RAD51B: variants seen among roughly 807,000 people sequenced by gnomAD.
RAD51B encodes the protein DNA repair protein RAD51 homolog 2.
In RAD51B, 38 loss-of-function variants were observed where a neutral mutation model predicts 42.2. That is an observed-to-expected ratio of 0.90 (90% CI 0.70 to 1.18). The LOEUF (loss-of-function observed/expected upper bound fraction) is 1.18. RAD51B is among the 50% of genes most tolerant of loss of function. RAD51B has a pLI of 0.00. For missense variants in RAD51B, 373 were observed against 400.7 expected (o/e 0.93, Z 0.59); for synonymous variants, 154 against 145.2 (o/e 1.06, Z -0.43).
chr14:67,941,622 C>T lies in RAD51B; in HGVS notation c.756+54418C>T, dbSNP rs1007204484. On this transcript the variant is annotated intron_variant, in intron 7 of 10. Coordinates refer to ENST00000471583, the MANE Select transcript of RAD51B (RefSeq NM_133510.4). Reference sequence around the variant, plus strand: ...GCTAAAGTTGACTCTGAGAATGCCTCGGGCTCTGTGTCAGGACTGGGGGTT... The same window carrying T: ...GCTAAAGTTGACTCTGAGAATGCCTTGGGCTCTGTGTCAGGACTGGGGGTT... Among the ~76,000 whole-genome samples the T allele has an allele frequency of 8.5e-5, 13 of 152,284 alleles. No homozygotes were observed. In the East Asian group the frequency reaches 9.6e-4, roughly 11 times the overall value.
intron 7 of RAD51B, among the ~76,000 whole-genome samples, chr14:68,285,836 C>T (rs762673944): frequency 7.2e-5 from 11 of 152,066 alleles, no homozygotes; most frequent in African/African-American, 1.4e-4. Flanking sequence ...TTCCCGTGGG[C>T]GCCGGAAATG....
chr14:68,541,874 T>C (rs1260126762), intron 10 of RAD51B: 1 of 955,222 alleles, frequency 1.0e-6, no homozygotes, highest in Non-Finnish European at 1.2e-6. Context: ...TCTCATCTCC[T>C]CTTTTATTGA....
chr14:67,848,294 G>A (rs1343179581), intron 4 of RAD51B, among the ~76,000 whole-genome samples: 1 of 152,180 alleles, frequency 6.6e-6, no homozygotes, highest in Admixed American at 6.5e-5. Flanking sequence ...TGGGATTACA[G>A]GCGTGAGCCA....
intron 7 of RAD51B, among the ~76,000 whole-genome samples, chr14:68,129,854 A>G (rs2077848164): frequency 6.6e-6 from 1 of 152,206 alleles, no homozygotes; most frequent in Admixed American, 6.5e-5. Flanking sequence ...AGGTTCCTAG[A>G]TGATAGTGAT....
chr14:68,061,153 C>T (rs1280804863), intron 7 of RAD51B, among the ~76,000 whole-genome samples: 1 of 148,728 alleles, frequency 6.7e-6, no homozygotes, highest in East Asian at 2.0e-4. Flanking sequence ...ACTGCAACCT[C>T]TGCCTCCCGG....
At chr14:68,123,191 C>CTTTTTTTTTTTTTTTTTT (rs541886088) in intron 7 of RAD51B, among the ~76,000 whole-genome samples, 2 of 125,502 alleles carry the variant, frequency 1.6e-5, no homozygotes, top group Non-Finnish European at 3.3e-5. Flanking sequence ...TTCTTTCTTT[C>CTTTTTTTTTTTTTTTTTT]TTTTTTTTTT....
At chr14:68,376,722 T>TGG (rs2083377811) in intron 8 of RAD51B, among the ~76,000 whole-genome samples, 1 of 152,196 alleles carries the variant, frequency 6.6e-6, no homozygotes, top group Non-Finnish European at 1.5e-5. Context: ...GGCAGTCTTC[T>TGG]CCTCAGATTG....
intron 8 of RAD51B, among the ~76,000 whole-genome samples, chr14:68,347,883 T>C (rs565988199): frequency 5.3e-5 from 8 of 151,990 alleles, no homozygotes; most frequent in Non-Finnish European, 1.2e-4. Flanking sequence ...TGTTAGAGAG[T>C]CTAATCTTAG....
chr14:67,861,576 TAAAA>T (rs34392333), intron 4 of RAD51B, among the ~76,000 whole-genome samples: 59 of 138,720 alleles, frequency 4.3e-4, no homozygotes, highest in Admixed American at 6.5e-4. Context: ...AACCTGTCTT[TAAAA>T]AAAAAAAAAA....
intron 8 of RAD51B, among the ~76,000 whole-genome samples, chr14:68,302,955 G>A (rs989072381): frequency 6.6e-6 from 1 of 152,226 alleles, no homozygotes; most frequent in Non-Finnish European, 1.5e-5. Context: ...GTGCTGCAGA[G>A]ATTTTATTTA....
At position 68,454,449 on chromosome 14, in the gene RAD51B, G is replaced by C. The variant is rs566152579; in HGVS notation, c.958-13723G>C. 4.6e-5 allele frequency among the ~76,000 whole-genome samples: 7 copies of C among 152,292 alleles called. No homozygotes were observed. In the South Asian group the frequency reaches 1.5e-3, roughly 32 times the overall value. On this transcript the variant is annotated intron_variant, in intron 9 of 10. Coordinates refer to ENST00000471583, the MANE Select transcript of RAD51B (RefSeq NM_133510.4). ...GAGAAAAAAAACAAGTGACTCTCAG[G>C]AAGAACAGCAAGACTTGTGGAATTT... is the stretch of plus-strand genomic sequence containing the variant.
chr14:67,961,671 C>A (rs1337884898), intron 7 of RAD51B, among the ~76,000 whole-genome samples: 2 of 152,126 alleles, frequency 1.3e-5, no homozygotes, highest in African/African-American at 4.8e-5. Context: ...AGGAAACGGT[C>A]CTACCGTTTC....
downstream of RAD51B, among the ~76,000 whole-genome samples, chr14:68,615,174 T>C (rs1438566466): frequency 1.3e-5 from 2 of 152,200 alleles, no homozygotes; most frequent in African/African-American, 4.8e-5. Context: ...TACTGATTTT[T>C]CTGACTATTT....
intron 9 of RAD51B, among the ~76,000 whole-genome samples, chr14:68,447,007 A>C (rs1336460314): frequency 6.6e-6 from 1 of 152,146 alleles, no homozygotes; most frequent in African/African-American, 2.4e-5. Context: ...ACCTGCAGTC[A>C]GGAGTTCGAG....
intron 7 of RAD51B, among the ~76,000 whole-genome samples, chr14:68,259,325 T>C (rs904774289): frequency 6.7e-6 from 1 of 149,262 alleles, no homozygotes; most frequent in African/African-American, 2.5e-5. Flanking sequence ...GGGGGAGGGA[T>C]AGCATTAGGA....
At chr14:68,418,755 A>T (rs1477982982) in intron 9 of RAD51B, among the ~76,000 whole-genome samples, 1 of 152,198 alleles carries the variant, frequency 6.6e-6, no homozygotes, top group African/African-American at 2.4e-5. Flanking sequence ...CTCATTTGAG[A>T]ATGAAGATTG....
At position 68,029,171 on chromosome 14, in the gene RAD51B, C is replaced by T. The variant is rs193205263; in HGVS notation, c.756+141967C>T. 3.0e-3 allele frequency among the ~76,000 whole-genome samples: 455 copies of T among 152,334 alleles called. 3 individuals are homozygous for T. Among genetic ancestry groups the T allele is most frequent in the Non-Finnish European group, 5.3e-3 (358 of 68,024 alleles). On this transcript the variant is annotated intron_variant, in intron 7 of 10. Coordinates refer to ENST00000471583, the MANE Select transcript of RAD51B (RefSeq NM_133510.4). ...ATCAGTCTCAGTATCTCTGTCACATCTCCATCTACTTTCAGTGTTTCTTCT... is the reference window on the plus strand; with the variant it reads ...ATCAGTCTCAGTATCTCTGTCACATTTCCATCTACTTTCAGTGTTTCTTCT...
At chr14:68,482,604 TATC>T (rs955125368), downstream of RAD51B, among the ~76,000 whole-genome samples, 29 of 152,182 alleles carry the variant, frequency 1.9e-4, no homozygotes, top group African/African-American at 7.0e-4. Flanking sequence ...TTATTTTCAA[TATC>T]ATCACCATCA....
intron 7 of RAD51B, among the ~76,000 whole-genome samples, chr14:68,211,653 G>T (rs1353749687): frequency 6.6e-6 from 1 of 152,172 alleles, no homozygotes; most frequent in Non-Finnish European, 1.5e-5. Flanking sequence ...AGATATCAGA[G>T]CATAGTTGTG....
Sources: gnomAD v4.1 joint callset for allele counts (sites outside exome capture counted in the v4.1 genomes callset) on GRCh38, gnomAD v4.1.1 for gene constraint, MANE v1.5 for transcripts, NCBI Gene and HGNC (gene_info 2026-07-23, HGNC 2026-07-21) for gene names.